The following CNTNAP2 variants were observed in gnomAD, a reference collection of about 807,000 sequenced individuals.
The protein encoded by CNTNAP2 is contactin associated protein 2.
CNTNAP2 carries 98 observed loss-of-function variants against 155.2 expected under a neutral mutation model. The ratio of observed to expected loss-of-function variants is 0.63; its 90% CI spans 0.54 to 0.75. The LOEUF (loss-of-function observed/expected upper bound fraction) is 0.75. CNTNAP2 is among the 30% of genes least tolerant of loss of function. The pLI is 0.00. For synonymous variants in CNTNAP2, 651 were observed against 631.2 expected, an observed-to-expected ratio of 1.03 and a Z score of -0.47; for missense variants, 1,727 against 1,688.1, an observed-to-expected ratio of 1.02 and a Z score of -0.40.
intron 2 of CNTNAP2, among the ~76,000 whole-genome samples, chr7:146,810,221 A>G (rs1485195383): frequency 6.7e-6 from 1 of 149,684 alleles, no homozygotes; most frequent in East Asian, 2.0e-4. Context: ...TGTCTATTCT[A>G]TGCCAGTACC....
chr7:147,808,628 C>A (rs962088550), intron 13 of CNTNAP2, among the ~76,000 whole-genome samples: 1 of 152,168 alleles, frequency 6.6e-6, no homozygotes, highest in Non-Finnish European at 1.5e-5. Flanking sequence ...TGTTACTTCT[C>A]TGTTTGGTAG....
At chr7:147,980,164 C>G (rs575261769) in intron 15 of CNTNAP2, among the ~76,000 whole-genome samples, 54 of 152,206 alleles carry the variant, frequency 3.5e-4, no homozygotes, top group African/African-American at 1.3e-3. Context: ...TTGGAAAACA[C>G]AAATTGGCTT....
Position 146,493,474 on chromosome 7 carries a change from A to G in CNTNAP2, c.98-280797A>G, listed in dbSNP as rs573220068. Among the ~76,000 whole-genome samples the G allele has an allele frequency of 4.6e-5, 7 of 152,292 alleles. No homozygotes were observed. In the South Asian group the frequency reaches 1.5e-3, roughly 32 times the overall value. ...GGTTATGTTTGCATTTCTGTTGTTA[A>G]GGTGATGTTTCCTGGAGTGATCTAA... On this transcript the variant is annotated intron_variant, in intron 1 of 23. Coordinates refer to ENST00000361727, the MANE Select transcript of CNTNAP2 (RefSeq NM_014141.6).
chr7:147,562,382 C>A (rs767209155), intron 12 of CNTNAP2, 125 bp downstream of exon 12: 4 of 1,227,972 alleles, frequency 3.3e-6, no homozygotes, highest in African/African-American at 1.5e-5. Context: ...CAACATATTG[C>A]TGGATTTGTT....
intron 1 of CNTNAP2, among the ~76,000 whole-genome samples, chr7:146,374,148 T>C (rs530797856): frequency 6.6e-6 from 1 of 152,142 alleles, no homozygotes; most frequent in Non-Finnish European, 1.5e-5. Flanking sequence ...TTTACGTTTT[T>C]AATCAAATTT....
intron 3 of CNTNAP2, among the ~76,000 whole-genome samples, chr7:146,935,742 T>G (rs1006937510): frequency 6.6e-6 from 1 of 152,174 alleles, no homozygotes; most frequent in African/African-American, 2.4e-5. Flanking sequence ...TTATGTCTTG[T>G]GGAGAAAGCA....
chr7:148,061,976 TAG>T (rs1460452855), intron 15 of CNTNAP2, among the ~76,000 whole-genome samples: 31 of 123,608 alleles, frequency 2.5e-4, no homozygotes, highest in African/African-American at 9.6e-4. Context: ...GATAGATAGA[TAG>T]ATAGATAGAT....
intron 6 of CNTNAP2, among the ~76,000 whole-genome samples, chr7:147,125,050 T>TA (rs1414614841): frequency 6.6e-6 from 1 of 151,956 alleles, no homozygotes; most frequent in Non-Finnish European, 1.5e-5. Flanking sequence ...CCGGCTATTT[T>TA]TTTGTATTTT....
intron 13 of CNTNAP2, among the ~76,000 whole-genome samples, chr7:147,798,631 T>G (rs1563093028): frequency 6.6e-6 from 1 of 152,158 alleles, no homozygotes; most frequent in Non-Finnish European, 1.5e-5. Context: ...ACCAAACCTT[T>G]CCAGTAAGGC....
chr7:148,157,520 T>A (rs1007580332), intron 17 of CNTNAP2, among the ~76,000 whole-genome samples: 7 of 139,396 alleles, frequency 5.0e-5, no homozygotes, highest in Non-Finnish European at 9.0e-5. Context: ...GGGAAATATC[T>A]TTTTACTGGG....
At chr7:146,358,022 T>TTTTATTTATTTA (rs375240509) in intron 1 of CNTNAP2, among the ~76,000 whole-genome samples, 203 of 149,150 alleles carry the variant, frequency 1.4e-3, no homozygotes, top group African/African-American at 4.9e-3. Flanking sequence ...ATTTATTTAA[T>TTTTATTTATTTA]TTTATTTATT....
At chr7:146,505,953 A>G (rs934914939) in intron 1 of CNTNAP2, among the ~76,000 whole-genome samples, 1 of 152,292 alleles carries the variant, frequency 6.6e-6, no homozygotes, top group East Asian at 1.9e-4. Flanking sequence ...TGCAAATGTA[A>G]CTTATTTTTC....
intron 12 of CNTNAP2, among the ~76,000 whole-genome samples, chr7:147,609,708 A>T (rs1179757557): frequency 2.0e-5 from 3 of 152,062 alleles, no homozygotes; most frequent in Admixed American, 6.6e-5. Context: ...GAGTGAGTGT[A>T]CGAAATAATC....
chr7:146,599,242 A>G (rs953439505), intron 1 of CNTNAP2, among the ~76,000 whole-genome samples: 3 of 152,038 alleles, frequency 2.0e-5, no homozygotes, highest in Non-Finnish European at 4.4e-5. Flanking sequence ...TCTATGCTCA[A>G]TCTACTAGCT....
At chr7:147,092,464 A>C (rs1375017539) in intron 4 of CNTNAP2, among the ~76,000 whole-genome samples, 3 of 152,196 alleles carry the variant, frequency 2.0e-5, no homozygotes, top group African/African-American at 7.2e-5. Context: ...AATTGTACAA[A>C]ATAATATCTA....
chr7:147,308,740 C>T (rs1795074622), intron 9 of CNTNAP2, among the ~76,000 whole-genome samples: 1 of 152,166 alleles, frequency 6.6e-6, no homozygotes, highest in Admixed American at 6.5e-5. Context: ...CCATGGACAG[C>T]TCCCTCCCAA....
At chr7:147,893,672 C>T (rs1159919381) in intron 13 of CNTNAP2, among the ~76,000 whole-genome samples, 1 of 152,162 alleles carries the variant, frequency 6.6e-6, no homozygotes, top group African/African-American at 2.4e-5. Flanking sequence ...GAAAACCCTT[C>T]CCTATACTTA....
intron 13 of CNTNAP2, among the ~76,000 whole-genome samples, chr7:147,788,148 T>A (rs1797765600): frequency 6.6e-6 from 1 of 152,206 alleles, no homozygotes; most frequent in South Asian, 2.1e-4. Context: ...GAATCTTGGA[T>A]CACTTAAATT....
chr7:148,364,449 G>A (rs540571454), intron 21 of CNTNAP2, among the ~76,000 whole-genome samples: 3 of 145,552 alleles, frequency 2.1e-5, no homozygotes, highest in East Asian at 4.0e-4. Context: ...TGGTGAGGAC[G>A]TGGAGAACTT....
Sources: gnomAD v4.1 joint callset for allele counts (sites outside exome capture counted in the v4.1 genomes callset) on GRCh38, gnomAD v4.1.1 for gene constraint, MANE v1.5 for transcripts, NCBI Gene and HGNC (gene_info 2026-07-23, HGNC 2026-07-21) for gene names.